The following NPIPA7 variants were observed in gnomAD, a reference collection of about 807,000 sequenced individuals.
NPIPA7 encodes the protein nuclear pore complex-interacting protein family member A7.
rs2050139043 is a variant in NPIPA7, at chr16:16,386,583, G to C, written c.193-816G>C. 2.9e-5 allele frequency among the ~76,000 whole-genome samples: 3 copies of C among 104,902 alleles called. No individual in the cohort carries two copies. The South Asian group carries it at 1.1e-3, about 38-fold the overall frequency. The allele number at this position is 104,902 out of a possible 152,430, so 68.8% of individuals were successfully genotyped here. On this transcript the variant is annotated intron_variant, in intron 2 of 7. Transcript: ENST00000530217. ...TCCTGCCTCAGCCTCCCGAGTAGCT[G>C]GGACTACAGGCGTGGGCCACCATGC...
At chr16:16,386,567 A>C (rs2050138179) in intron 2 of NPIPA7, among the ~76,000 whole-genome samples, 1 of 99,494 alleles carries the variant, frequency 1.0e-5, no homozygotes, top group Non-Finnish European at 2.1e-5. Context: ...CTCCTGCCTC[A>C]GCCTCCCGAG....
At chr16:16,387,058 C>CTT (rs1395617406) in intron 2 of NPIPA7, among the ~76,000 whole-genome samples, 1 of 116,438 alleles carries the variant, frequency 8.6e-6, no homozygotes, top group Non-Finnish European at 1.9e-5. Context: ...TCATGTCATT[C>CTT]TTTGTGTGTG....
Position 16,386,504 on chromosome 16 carries a change from C to T in NPIPA7, c.193-895C>T, listed in dbSNP as rs1238420166. Among the ~76,000 whole-genome samples the T allele has an allele frequency of 1.7e-4, 14 of 80,148 alleles. 1 individual carries two copies. In the East Asian group the frequency reaches 5.4e-3, roughly 31 times the overall value. 52.6% of individuals were successfully genotyped at this position (80,148 alleles called of 152,430 possible). A position where few individuals can be genotyped will look rare whatever the true frequency, so the allele number is the denominator to read the frequency against. On this transcript the variant is annotated intron_variant, in intron 2 of 7. Transcript: ENST00000530217. ...CTCACTCTGTCACCAGGCTGGAGTG[C>T]AGTGGTGGGATCTTGGCTCACTGCA...
chr16:16,388,303 TC>T (rs1365949217), intron 4 of NPIPA7, among the ~76,000 whole-genome samples: 1 of 37,732 alleles, frequency 2.7e-5, no homozygotes, highest in Non-Finnish European at 4.8e-5. Context: ...CGCCTCAGCC[TC>T]CCAAAGTGCT....
At chr16:16,386,821 C>T (rs538378358) in intron 2 of NPIPA7, among the ~76,000 whole-genome samples, 2,615 of 125,938 alleles carry the variant, frequency 0.021, 96 homozygotes, top group Middle Eastern at 0.055. Context: ...ACAATCTCAG[C>T]TCACCACAAC....
intron 1 of NPIPA7, among the ~76,000 whole-genome samples, chr16:16,381,911 A>AT: frequency 2.5e-5 from 1 of 39,218 alleles, no homozygotes; most frequent in African/African-American, 2.1e-4. Context: ...TGCCCTGCTA[A>AT]TTTTTTGTAT....
At chr16:16,386,834 T>C in intron 2 of NPIPA7, among the ~76,000 whole-genome samples, 1 of 127,634 alleles carries the variant, frequency 7.8e-6, no homozygotes, top group Non-Finnish European at 1.7e-5. Flanking sequence ...ACCACAACCT[T>C]TTCCTGCTGG....
chr16:16,386,312 T>C (rs1469044670), intron 2 of NPIPA7, among the ~76,000 whole-genome samples: 1 of 141,482 alleles, frequency 7.1e-6, no homozygotes. Context: ...ATTCTAGAAC[T>C]CAGAGAGCTG....
chr16:16,387,060 T>G (rs1300334493), intron 2 of NPIPA7, among the ~76,000 whole-genome samples: 6 of 101,534 alleles, frequency 5.9e-5, no homozygotes, highest in East Asian at 4.1e-4. Flanking sequence ...ATGTCATTCT[T>G]TGTGTGTGTG....
In NPIPA7 at chr16:16,388,049, CTCTTT is replaced by C. The variant is rs1168284796; in HGVS notation, c.437+245_437+249del. 5.1e-4 allele frequency among the ~76,000 whole-genome samples: 23 copies of C among 45,016 alleles called. 1 individual carries two copies. The highest frequency in any genetic ancestry group is 2.5e-3 in the East Asian group (2 of 802). The allele number at this position is 45,016 out of a possible 152,430, so 29.5% of individuals were successfully genotyped here. A position where few individuals can be genotyped will look rare whatever the true frequency, so the allele number is the denominator to read the frequency against. ...GTACTGCATTGGTTTTCCTTTCTCT[CTCTTT>C]TTTTTTTTTTTTTTTCCTGAGATGG... On this transcript the variant is annotated intron_variant, in intron 4 of 7. Coordinates refer to ENST00000530217, the Ensembl canonical transcript of NPIPA7.
intron 4 of NPIPA7, among the ~76,000 whole-genome samples, chr16:16,388,586 G>A (rs1291882497): frequency 1.6e-4 from 4 of 24,268 alleles, no homozygotes; most frequent in East Asian, 9.6e-4. Context: ...GCTAGAGTGC[G>A]GTGGCATGAT....
At chr16:16,387,997 A>AT (rs1268739275) in intron 4 of NPIPA7, among the ~76,000 whole-genome samples, 191 bp downstream of exon 4, 1 of 78,398 alleles carries the variant, frequency 1.3e-5, no homozygotes, top group Non-Finnish European at 2.2e-5. Flanking sequence ...CTTGTTTGTC[A>AT]TTTTTTCAGG....
At chr16:16,387,155 A>T (rs1420337401) in intron 2 of NPIPA7, among the ~76,000 whole-genome samples, 225 of 126,960 alleles carry the variant, frequency 1.8e-3, no homozygotes, top group African/African-American at 5.6e-3. Context: ...GGCTCACTGC[A>T]AACTCCGCCT....
intron 1 of NPIPA7, among the ~76,000 whole-genome samples, chr16:16,382,167 G>C (rs1210746545): frequency 9.7e-6 from 1 of 102,882 alleles, no homozygotes; most frequent in African/African-American, 4.7e-5. Context: ...TAATCCAAGA[G>C]AGAAGTATTA....
chr16:16,388,590 G>A (rs1360886268), intron 4 of NPIPA7, among the ~76,000 whole-genome samples: 1 of 23,602 alleles, frequency 4.2e-5, no homozygotes, highest in Non-Finnish European at 9.1e-5. Context: ...GAGTGCGGTG[G>A]CATGATCTTG....
chr16:16,386,440 T>C (rs1236752752), intron 2 of NPIPA7, among the ~76,000 whole-genome samples: 13 of 105,848 alleles, frequency 1.2e-4, no homozygotes, highest in Non-Finnish European at 2.3e-4. Flanking sequence ...TGAAGTATAT[T>C]CATGTCATTT....
In NPIPA7 at chr16:16,388,049, C is replaced by CTTT. The variant is rs1352478589; in HGVS notation, c.437+244_437+245insTTT. Among the ~76,000 whole-genome samples the CTTT allele has an allele frequency of 6.0e-4, 27 of 45,020 alleles. 8 individuals are homozygous for CTTT. The East Asian group carries it at 0.011, about 19-fold the overall frequency. The allele number at this position is 45,020 out of a possible 152,430, so 29.5% of individuals were successfully genotyped here. On this transcript the variant is annotated intron_variant, in intron 4 of 7. Transcript: ENST00000530217. The stretch of plus-strand genomic sequence containing the variant: ...GTACTGCATTGGTTTTCCTTTCTCT[C>CTTT]TCTTTTTTTTTTTTTTTTTTCCTGA...
chr16:16,386,315 G>T (rs2050124711), intron 2 of NPIPA7, among the ~76,000 whole-genome samples: 1 of 141,868 alleles, frequency 7.0e-6, no homozygotes, highest in African/African-American at 2.7e-5. Flanking sequence ...CTAGAACTCA[G>T]AGAGCTGAAG....
At chr16:16,388,502 T>G (rs2050223700) in intron 4 of NPIPA7, among the ~76,000 whole-genome samples, 1 of 34,980 alleles carries the variant, frequency 2.9e-5, no homozygotes, top group Non-Finnish European at 5.7e-5. Flanking sequence ...ATTACAGGTG[T>G]GTGCCGCCAC....
Sources: allele counts gnomAD v4.1 joint callset (sites outside exome capture counted in the v4.1 genomes callset), GRCh38; gene constraint gnomAD v4.1.1; transcripts MANE v1.5; gene names NCBI Gene and HGNC (gene_info 2026-07-23, HGNC 2026-07-21).